Variants in SPRED1 observed in about 807,000 individuals in gnomAD.
SPRED1 encodes the protein sprouty related EVH1 domain containing 1.
Under a neutral mutation model 52.3 loss-of-function variants are expected in SPRED1, and 18 were observed. The observed-to-expected ratio is 0.34, with a 90% confidence interval of 0.24 to 0.51. The LOEUF (loss-of-function observed/expected upper bound fraction) is 0.51, where lower values mean the gene tolerates loss of function less well. Ranked by LOEUF, SPRED1 falls within the 20% of genes least tolerant of loss-of-function variation. The probability of loss-of-function intolerance (pLI) is 0.97; values close to 1 mark genes in which losing one functional copy is unlikely to be tolerated. For missense variants in SPRED1, 485 were observed against 551.0 expected (o/e 0.88, Z 1.20); for synonymous variants, 155 against 179.7 (o/e 0.86, Z 1.10).
intron 6 of SPRED1, among the ~76,000 whole-genome samples, chr15:38,349,978 CTTAAT>C (rs1888445768): frequency 1.3e-5 from 2 of 152,074 alleles, no homozygotes; most frequent in Non-Finnish European, 2.9e-5. Context: ...GGTCAAAAGA[CTTAAT>C]TTTGTTCTTT....
At chr15:38,264,369 CAT>C (rs1375457898) in intron 1 of SPRED1, among the ~76,000 whole-genome samples, 6 of 152,228 alleles carry the variant, frequency 3.9e-5, no homozygotes, top group East Asian at 1.9e-4. Flanking sequence ...TAGATTGACA[CAT>C]AGAACTGATA....
At chr15:38,331,980 A>G (rs1443289367) in intron 4 of SPRED1, among the ~76,000 whole-genome samples, 1 of 152,212 alleles carries the variant, frequency 6.6e-6, no homozygotes, top group East Asian at 1.9e-4. Context: ...TCAGAGTATT[A>G]GCTAAGTAAT....
At position 38,339,780 on chromosome 15, in the gene SPRED1, T is replaced by G; in HGVS notation, c.467T>G (p.Leu156Arg). The change falls in exon 5 of 7, where the codon CTT (leucine) becomes CGT (arginine). Residue 156 changes from leucine (L) to arginine (R), a missense_variant. Physicochemically the swap from Leu to Arg is moderately radical, Grantham distance 102. Coordinates refer to ENST00000299084, the MANE Select transcript of SPRED1 (RefSeq NM_152594.3). The stretch of plus-strand genomic sequence containing the variant: ...TCCAGTTCTCTAGTGAAGGATCACC[T>G]TTTTCAGCAAGAGACAGTTGTTACC... ...DSSSSLVKDH[L>R]FQQETVVTSE... The G allele has an allele frequency of 1.2e-6, 2 of 1,613,746 alleles. No individual in the cohort carries two copies. Among genetic ancestry groups the G allele is most frequent in the Non-Finnish European group, 1.7e-6 (2 of 1,179,774 alleles).
chr15:38,343,460 A>G (rs556550386), intron 5 of SPRED1, among the ~76,000 whole-genome samples: 5 of 152,148 alleles, frequency 3.3e-5, no homozygotes, highest in Non-Finnish European at 5.9e-5. Flanking sequence ...AAATTACTTC[A>G]TTTTCCAAGG....
intron 4 of SPRED1, among the ~76,000 whole-genome samples, chr15:38,328,258 T>C (rs1895745215): frequency 6.6e-6 from 1 of 152,218 alleles, no homozygotes; most frequent in African/African-American, 2.4e-5. Context: ...ATGATAATGT[T>C]ATATTTAAAT....
chr15:38,277,383 A>G (rs779096228), intron 1 of SPRED1, among the ~76,000 whole-genome samples: 3 of 152,056 alleles, frequency 2.0e-5, no homozygotes, highest in Non-Finnish European at 2.9e-5. Flanking sequence ...TTTTCTATTC[A>G]TTCATTAGTT....
chr15:38,321,645 G>C (rs1341963875), intron 2 of SPRED1, among the ~76,000 whole-genome samples: 1 of 152,158 alleles, frequency 6.6e-6, no homozygotes, highest in East Asian at 1.9e-4. Context: ...CCAGGTTGGA[G>C]TGCAGTGACG....
At chr15:38,268,769 A>T (rs1362301874) in intron 1 of SPRED1, among the ~76,000 whole-genome samples, 1 of 152,198 alleles carries the variant, frequency 6.6e-6, no homozygotes, top group Non-Finnish European at 1.5e-5. Context: ...GTATGGCTTC[A>T]GTCTCTTAAC....
At chr15:38,299,770 G>A (rs1010818788) in intron 2 of SPRED1, among the ~76,000 whole-genome samples, 4 of 151,554 alleles carry the variant, frequency 2.6e-5, no homozygotes, top group Admixed American at 1.3e-4. Context: ...TTCCATTTAC[G>A]CTTAATGCAG....
At chr15:38,322,722 G>A (rs945988616) in intron 3 of SPRED1, among the ~76,000 whole-genome samples, 2 of 152,100 alleles carry the variant, frequency 1.3e-5, no homozygotes, top group Admixed American at 6.5e-5. Flanking sequence ...GTACAGCTGC[G>A]AGAATCCCAG....
At chr15:38,275,732 G>A (rs1233489852) in intron 1 of SPRED1, among the ~76,000 whole-genome samples, 1 of 152,120 alleles carries the variant, frequency 6.6e-6, no homozygotes, top group African/African-American at 2.4e-5. Flanking sequence ...TCCTGACCTC[G>A]TGATCCACCC....
chr15:38,305,207 C>T (rs965017638), intron 2 of SPRED1, among the ~76,000 whole-genome samples: 17 of 152,126 alleles, frequency 1.1e-4, no homozygotes, highest in Admixed American at 7.9e-4. Context: ...GGGCAGACAC[C>T]TGTAATCCCA....
At chr15:38,320,406 C>A (rs1895578018) in intron 2 of SPRED1, among the ~76,000 whole-genome samples, 1 of 152,078 alleles carries the variant, frequency 6.6e-6, no homozygotes, top group African/African-American at 2.4e-5. Context: ...TCATGCAGGG[C>A]CTAGTAGGTC....
chr15:38,340,000 A>G, intron 5 of SPRED1, 105 bp downstream of exon 5: 1 of 1,376,904 alleles, frequency 7.3e-7, no homozygotes, highest in South Asian at 1.2e-5. Context: ...CAGACACAGT[A>G]AACAAACAAA....
At chr15:38,282,920 A>T (rs1172685957) in intron 1 of SPRED1, among the ~76,000 whole-genome samples, 2 of 151,892 alleles carry the variant, frequency 1.3e-5, no homozygotes, top group African/African-American at 4.8e-5. Context: ...ACTGATTTGA[A>T]TCTAGTATTG....
Position 38,282,903 on chromosome 15 carries a change from CTG to C in SPRED1, c.33-16467_33-16466del, listed in dbSNP as rs1894722044. On this transcript the variant is annotated intron_variant, in intron 1 of 6. Coordinates refer to ENST00000299084, the MANE Select transcript of SPRED1 (RefSeq NM_152594.3). Reference sequence around the variant, plus strand: ...CACGGTTTTCTTGCTACTTTGAGGACTGTGACACTGATTTGAATCTAGTATTG... The same window carrying C: ...CACGGTTTTCTTGCTACTTTGAGGACTGACACTGATTTGAATCTAGTATTG... Among the ~76,000 whole-genome samples, 7 of 151,990 alleles carry C rather than the reference CTG, an allele frequency of 4.6e-5. No individual in the cohort carries two copies. In the South Asian group the frequency reaches 6.3e-4, roughly 14 times the overall value.
At chr15:38,310,153 G>GTGTGTGTGTGTGTGTTTGTT in intron 2 of SPRED1, among the ~76,000 whole-genome samples, 1 of 132,266 alleles carries the variant, frequency 7.6e-6, no homozygotes, top group African/African-American at 2.8e-5. Context: ...GTGTGTGTGT[G>GTGTGTGTGTGTGTGTTTGTT]TTTGGAGACG....
chr15:38,343,538 G>T (rs7181614), intron 5 of SPRED1, among the ~76,000 whole-genome samples: 68,018 of 151,782 alleles, frequency 0.45, 15,911 homozygotes, highest in Non-Finnish European at 0.53. Context: ...ATTGAAACTT[G>T]ATTAATTCGG....
chr15:38,276,123 A>G (rs1056631340), intron 1 of SPRED1, among the ~76,000 whole-genome samples: 2 of 152,108 alleles, frequency 1.3e-5, no homozygotes, highest in Non-Finnish European at 1.5e-5. Context: ...AATATTTATC[A>G]TATGCTTGCT....
Sources: allele counts gnomAD v4.1 joint callset (sites outside exome capture counted in the v4.1 genomes callset), GRCh38; gene constraint gnomAD v4.1.1; transcripts MANE v1.5; gene names NCBI Gene and HGNC (gene_info 2026-07-23, HGNC 2026-07-21).